The following TNR variants were observed in gnomAD, a reference collection of about 807,000 sequenced individuals.
TNR encodes tenascin-R.
In TNR, 45 loss-of-function variants were observed where a neutral mutation model predicts 150.4. That is an observed-to-expected ratio of 0.30 (90% CI 0.24 to 0.38). The LOEUF (loss-of-function observed/expected upper bound fraction) is 0.38, where lower values mean the gene tolerates loss of function less well. Ranked by LOEUF, TNR falls within the 10% of genes least tolerant of loss-of-function variation. The pLI is 1.00. For missense variants in TNR, 1,544 were observed against 1,759.1 expected (o/e 0.88, Z 2.19); for synonymous variants, 687 against 678.4 (o/e 1.01, Z -0.20).
At chr1:175,328,098 ACT>A (rs1000994938) in intron 21 of TNR, among the ~76,000 whole-genome samples, 5 of 151,534 alleles carry the variant, frequency 3.3e-5, no homozygotes, top group Non-Finnish European at 2.9e-5. Context: ...AAAGAGTGAG[ACT>A]CTATCTCAAA....
intron 1 of TNR, among the ~76,000 whole-genome samples, chr1:175,575,035 G>T (rs966233582): frequency 6.6e-6 from 1 of 152,214 alleles, no homozygotes; most frequent in African/African-American, 2.4e-5. Context: ...AGTATCTCTT[G>T]CTCTCTGCCT....
intron 1 of TNR, among the ~76,000 whole-genome samples, chr1:175,587,004 G>C (rs1485183103): frequency 1.3e-5 from 2 of 152,092 alleles, no homozygotes; most frequent in Non-Finnish European, 2.9e-5. Context: ...TTTATATATG[G>C]CTCTTTATTT....
At chr1:175,669,161 G>A (rs1468082829) in intron 1 of TNR, among the ~76,000 whole-genome samples, 1 of 152,162 alleles carries the variant, frequency 6.6e-6, no homozygotes, top group Non-Finnish European at 1.5e-5. Context: ...TCTCATGCAG[G>A]GCTCTGAGTG....
chr1:175,594,854 TTC>T (rs1662944281), intron 1 of TNR, among the ~76,000 whole-genome samples: 1 of 133,856 alleles, frequency 7.5e-6, no homozygotes, highest in African/African-American at 3.3e-5. Flanking sequence ...GAGACCTTGT[TTC>T]TAAAAAAAAA....
At chr1:175,726,368 C>A (rs1258212810) in intron 1 of TNR, among the ~76,000 whole-genome samples, 2 of 152,184 alleles carry the variant, frequency 1.3e-5, no homozygotes, top group Non-Finnish European at 2.9e-5. Flanking sequence ...CAGGTTGCTG[C>A]TGATTAATAA....
intron 2 of TNR, among the ~76,000 whole-genome samples, chr1:175,503,091 G>A (rs148469840): frequency 9.8e-5 from 15 of 152,314 alleles, no homozygotes; most frequent in Non-Finnish European, 1.8e-4. Context: ...CCGCAGTGGC[G>A]CATGAGTGGA....
chr1:175,323,568 C>A, intron 22 of TNR, 92 bp from the exon 23 acceptor site: 1 of 1,538,898 alleles, frequency 6.5e-7, no homozygotes, highest in Non-Finnish European at 8.8e-7. Flanking sequence ...AGGGAATCCA[C>A]AATGTGGGGT....
chr1:175,585,198 A>G (rs1038413893), intron 1 of TNR, among the ~76,000 whole-genome samples: 7 of 152,220 alleles, frequency 4.6e-5, no homozygotes, highest in African/African-American at 1.7e-4. Flanking sequence ...GAATAAAACA[A>G]AAAACAGAGG....
At chr1:175,611,470 C>T (rs1246267686) in intron 1 of TNR, among the ~76,000 whole-genome samples, 1 of 152,036 alleles carries the variant, frequency 6.6e-6, no homozygotes. Context: ...GTAGCTGGGA[C>T]TACAGGCACT....
chr1:175,339,894 AT>A (rs67102408), intron 18 of TNR, among the ~76,000 whole-genome samples: 3,307 of 152,290 alleles, frequency 0.022, 127 homozygotes, highest in African/African-American at 0.076. Context: ...GCTTCTTCAT[AT>A]TGATAATGTA....
intron 1 of TNR, among the ~76,000 whole-genome samples, chr1:175,554,069 C>T (rs903780632): frequency 4.6e-5 from 7 of 152,184 alleles, no homozygotes; most frequent in Non-Finnish European, 8.8e-5. Context: ...TGGTCAAACA[C>T]CCAGTGACTT....
At chr1:175,680,756 G>A (rs567352139) in intron 1 of TNR, among the ~76,000 whole-genome samples, 8 of 152,338 alleles carry the variant, frequency 5.3e-5, no homozygotes, top group Non-Finnish European at 8.8e-5. Flanking sequence ...CTATGAGCAC[G>A]TGGGGTCTGA....
chr1:175,539,827 A>G (rs918557420), intron 1 of TNR, among the ~76,000 whole-genome samples: 1 of 152,182 alleles, frequency 6.6e-6, no homozygotes, highest in African/African-American at 2.4e-5. Flanking sequence ...CTTCCCAGAG[A>G]TATTTGCATT....
At chr1:175,611,969 T>A (rs890628898) in intron 1 of TNR, among the ~76,000 whole-genome samples, 2 of 152,238 alleles carry the variant, frequency 1.3e-5, no homozygotes, top group African/African-American at 4.8e-5. Flanking sequence ...TTCCTTTTTT[T>A]AATCAAATAC....
chr1:175,505,011 G>A (rs961981031), intron 2 of TNR, among the ~76,000 whole-genome samples: 1 of 144,480 alleles, frequency 6.9e-6, no homozygotes, highest in Non-Finnish European at 1.5e-5. Context: ...GCCGACACCT[G>A]GACCTCAGAC....
intron 1 of TNR, among the ~76,000 whole-genome samples, chr1:175,572,051 T>C (rs897229638): frequency 6.6e-6 from 1 of 152,264 alleles, no homozygotes; most frequent in Middle Eastern, 3.4e-3. Context: ...AGAAGCACCC[T>C]CACCCTCAGC....
chr1:175,637,280 G>A (rs1166702153), intron 1 of TNR, among the ~76,000 whole-genome samples: 1 of 152,202 alleles, frequency 6.6e-6, no homozygotes, highest in Non-Finnish European at 1.5e-5. Flanking sequence ...ATTACATGGT[G>A]CAGTTGTCAG....
intron 1 of TNR, among the ~76,000 whole-genome samples, chr1:175,653,318 G>A (rs1239831804): frequency 1.3e-5 from 2 of 152,234 alleles, no homozygotes; most frequent in African/African-American, 4.8e-5. Context: ...CATGCACAGT[G>A]AGAAGCAGTG....
chr1:175,424,579 A>G (rs769946195), intron 2 of TNR, among the ~76,000 whole-genome samples: 10 of 152,202 alleles, frequency 6.6e-5, no homozygotes, highest in Non-Finnish European at 7.3e-5. Context: ...TGGGAGGGAA[A>G]GGTCTGCTCT....
Sources: allele counts gnomAD v4.1 joint callset (sites outside exome capture counted in the v4.1 genomes callset), GRCh38; gene constraint gnomAD v4.1.1; transcripts MANE v1.5; gene names NCBI Gene and HGNC (gene_info 2026-07-23, HGNC 2026-07-21).